GABBR2: variants seen among roughly 807,000 people sequenced by gnomAD.
The protein encoded by GABBR2 is gamma-aminobutyric acid type B receptor subunit 2, also known as G-protein coupled receptor 51.
A neutral mutation model predicts 105.6 loss-of-function variants in GABBR2; 23 were observed. The observed-to-expected ratio is 0.22, with a 90% CI of 0.16 to 0.31. GABBR2 has a LOEUF of 0.31. GABBR2 is among the 10% of genes least tolerant of loss of function. The pLI, the probability that GABBR2 is intolerant of heterozygous loss-of-function variation, is 1.00. For synonymous variants in GABBR2, 478 were observed against 499.7 expected (o/e 0.96, Z 0.58); for missense variants, 734 against 1,245.5 (o/e 0.59, Z 6.18).
intron 6 of GABBR2, among the ~76,000 whole-genome samples, chr9:98,457,425 AGTTTT>A (rs773956691): frequency 5.0e-4 from 76 of 152,284 alleles, no homozygotes; most frequent in Non-Finnish European, 9.3e-4. Context: ...TCCTTGATAT[AGTTTT>A]GTTTTGTTTT....
chr9:98,494,966 G>A (rs955635473), intron 4 of GABBR2, among the ~76,000 whole-genome samples: 9 of 152,216 alleles, frequency 5.9e-5, no homozygotes, highest in African/African-American at 2.2e-4. Context: ...CATGTGGCAG[G>A]AGAATGTCAG....
In GABBR2 at chr9:98,577,938, C is replaced by A. The variant is rs747949227; in HGVS notation, c.456G>T (p.Val152=). The part of the protein sequence containing the change: ...IAESLQGWNL[V]QLSFAATTPV... Reference sequence around the variant, plus strand: ...AAGAAGGTAGCTCAGACCTTACCTGCACCAGATTCCAGCCTTGGAGGGACT... The same window carrying A: ...AAGAAGGTAGCTCAGACCTTACCTGAACCAGATTCCAGCCTTGGAGGGACT... Residue 152 remains valine (V), a synonymous_variant, in exon 2 of 19, where the codon GTG becomes GTT. Coordinates refer to ENST00000259455, the MANE Select transcript of GABBR2 (RefSeq NM_005458.8). 6.2e-7 allele frequency: 1 copy of A among 1,611,214 alleles called. No individual in the cohort carries two copies. Among genetic ancestry groups the A allele is most frequent in the Admixed American group, 1.7e-5 (1 of 59,688 alleles).
At chr9:98,439,335 C>G (rs1825990324) in intron 7 of GABBR2, among the ~76,000 whole-genome samples, 1 of 152,144 alleles carries the variant, frequency 6.6e-6, no homozygotes, top group South Asian at 2.1e-4. Context: ...ACCCAGGTTC[C>G]CCATGAAGGC....
intron 13 of GABBR2, among the ~76,000 whole-genome samples, chr9:98,321,231 G>T (rs1259514636): frequency 6.6e-6 from 1 of 152,222 alleles, no homozygotes; most frequent in African/African-American, 2.4e-5. Context: ...ATGGTCACCC[G>T]ATTTTTGTTG....
chr9:98,464,926 C>T (rs1320090771), intron 6 of GABBR2, among the ~76,000 whole-genome samples: 10 of 151,896 alleles, frequency 6.6e-5, no homozygotes, highest in African/African-American at 1.9e-4. Flanking sequence ...GCAGCATGCT[C>T]GTTAAGAGTC....
chr9:98,643,258 G>T (rs1316679368), intron 1 of GABBR2, among the ~76,000 whole-genome samples: 1 of 152,252 alleles, frequency 6.6e-6, no homozygotes. Flanking sequence ...AGGGCAGCAT[G>T]CAACGGCATA....
chr9:98,411,607 G>T (rs1832592220), intron 7 of GABBR2, among the ~76,000 whole-genome samples: 1 of 152,010 alleles, frequency 6.6e-6, no homozygotes, highest in Admixed American at 6.6e-5. Flanking sequence ...TGCTGCCCAG[G>T]CTAGAGAGTA....
At chr9:98,451,714 C>G (rs1319707496) in intron 7 of GABBR2, among the ~76,000 whole-genome samples, 1 of 152,198 alleles carries the variant, frequency 6.6e-6, no homozygotes, top group Admixed American at 6.5e-5. Flanking sequence ...AATGGTTGGT[C>G]TGGAAGATAA....
chr9:98,632,000 A>C (rs1439743048), intron 1 of GABBR2, among the ~76,000 whole-genome samples: 1 of 152,258 alleles, frequency 6.6e-6, no homozygotes, highest in African/African-American at 2.4e-5. Context: ...CAGCACTTTC[A>C]GCACAAATTG....
intron 13 of GABBR2, among the ~76,000 whole-genome samples, chr9:98,346,856 T>C (rs989306723): frequency 3.3e-5 from 5 of 152,216 alleles, no homozygotes; most frequent in African/African-American, 1.2e-4. Context: ...CTGACTTATT[T>C]CACTTAACAT....
At position 98,295,865 on chromosome 9, in the gene GABBR2, T is replaced by G. The variant is rs117415330; in HGVS notation, c.2543-1963A>C. Among the ~76,000 whole-genome samples the G allele has an allele frequency of 4.6e-3, 704 of 152,256 alleles. 1 individual carries two copies. The highest frequency in any genetic ancestry group is 0.031 in the Middle Eastern group (9 of 294). Reference sequence around the variant, plus strand: ...AAAGAGAAACATGCATACAACAAAATTATATATTGATTGGTGGACAAAAAT... The same window carrying G: ...AAAGAGAAACATGCATACAACAAAAGTATATATTGATTGGTGGACAAAAAT... On this transcript the variant is annotated intron_variant, in intron 17 of 18. Transcript: ENST00000259455.
At chr9:98,529,726 A>C (rs911061820) in intron 3 of GABBR2, among the ~76,000 whole-genome samples, 1 of 152,246 alleles carries the variant, frequency 6.6e-6, no homozygotes, top group African/African-American at 2.4e-5. Flanking sequence ...GAATTACTGT[A>C]GTAACCTCCT....
chr9:98,648,116 T>TGTGTGTGTGTGGATAG, intron 1 of GABBR2, among the ~76,000 whole-genome samples: 1 of 55,948 alleles, frequency 1.8e-5, no homozygotes, highest in Non-Finnish European at 3.4e-5. Context: ...TGTGTGTGTG[T>TGTGTGTGTGTGGATAG]ATAGATAGAT....
At chr9:98,386,132 T>C (rs538509661) in intron 10 of GABBR2, among the ~76,000 whole-genome samples, 1 of 152,332 alleles carries the variant, frequency 6.6e-6, no homozygotes, top group South Asian at 2.1e-4. Context: ...AGTTCACCTA[T>C]TACTTCCCAA....
intron 3 of GABBR2, among the ~76,000 whole-genome samples, chr9:98,536,349 G>A (rs925671132): frequency 3.3e-5 from 5 of 152,176 alleles, no homozygotes; most frequent in African/African-American, 1.2e-4. Context: ...CTGAGACCCA[G>A]AGACAGCAAG....
At chr9:98,550,775 T>C (rs1828474145) in intron 2 of GABBR2, among the ~76,000 whole-genome samples, 1 of 152,192 alleles carries the variant, frequency 6.6e-6, no homozygotes. Context: ...TAAAAGAACT[T>C]TGTGGACTCT....
chr9:98,479,828 A>G (rs1826875862), intron 5 of GABBR2, among the ~76,000 whole-genome samples: 1 of 152,138 alleles, frequency 6.6e-6, no homozygotes, highest in South Asian at 2.1e-4. Context: ...CCCGGTAGTA[A>G]ACTGGGGGTC....
intron 1 of GABBR2, among the ~76,000 whole-genome samples, chr9:98,629,334 A>G (rs1829786773): frequency 6.6e-6 from 1 of 152,272 alleles, no homozygotes; most frequent in Admixed American, 6.5e-5. Flanking sequence ...ATGATAAGCC[A>G]AAAATGTCTT....
At chr9:98,390,478 A>T (rs1402281850) in intron 9 of GABBR2, among the ~76,000 whole-genome samples, 1 of 152,038 alleles carries the variant, frequency 6.6e-6, no homozygotes, top group Non-Finnish European at 1.5e-5. Context: ...CCAGGTTTGA[A>T]AACATCAAGG....
Sources: allele counts gnomAD v4.1 joint callset (sites outside exome capture counted in the v4.1 genomes callset), GRCh38; gene constraint gnomAD v4.1.1; transcripts MANE v1.5; gene names NCBI Gene and HGNC (gene_info 2026-07-23, HGNC 2026-07-21).